SLK: variants seen among roughly 807,000 people sequenced by gnomAD.
SLK encodes STE20-like serine/threonine-protein kinase.
A neutral mutation model predicts 147.7 loss-of-function variants in SLK; 67 were observed. The ratio of observed to expected loss-of-function variants is 0.45; its 90% CI spans 0.37 to 0.56. The LOEUF (loss-of-function observed/expected upper bound fraction) is 0.56, where lower values mean the gene tolerates loss of function less well. SLK is among the 20% of genes least tolerant of loss of function. SLK has a pLI of 0.00. For missense variants in SLK, 1,136 were observed against 1,438.8 expected (o/e 0.79, Z 3.41); for synonymous variants, 441 against 475.0 (o/e 0.93, Z 0.93).
Position 104,024,040 on chromosome 10 carries a change from C to T in SLK, c.3562-1534C>T, listed in dbSNP as rs145312699. On this transcript the variant is annotated intron_variant, in intron 18 of 18. Coordinates refer to ENST00000369755, the MANE Select transcript of SLK (RefSeq NM_014720.4). The stretch of plus-strand genomic sequence containing the variant: ...TTCATCTCCATCTCACGTTTCCGCG[C>T]TCACTGCAGGCCACTCACCATCAGA... Among the ~76,000 whole-genome samples, 760 of 152,316 alleles carry T rather than the reference C, an allele frequency of 5.0e-3. 13 individuals are homozygous for T. The highest frequency in any genetic ancestry group is 0.042 in the South Asian group (201 of 4,824).
At chr10:103,989,460 G>GTTTTT (rs1202426790) in intron 1 of SLK, among the ~76,000 whole-genome samples, 8 of 96,804 alleles carry the variant, frequency 8.3e-5, no homozygotes, top group African/African-American at 3.3e-4. Context: ...CAGTGTGGCA[G>GTTTTT]TTTCTTTTTT....
intron 12 of SLK, among the ~76,000 whole-genome samples, chr10:104,009,030 T>C (rs1445901051): frequency 6.6e-6 from 1 of 152,192 alleles, no homozygotes; most frequent in Non-Finnish European, 1.5e-5. Context: ...TTTCATATTG[T>C]TATAGAATCT....
At position 104,019,857 on chromosome 10, in the gene SLK, T is replaced by C; in HGVS notation, c.3256T>C (p.Phe1086Leu). ...RSEAKTRMAMFKKSLRINSTA... is the reference protein window; with the variant it reads ...RSEAKTRMAMLKKSLRINSTA... ...TGAAGCCAAGACTCGAATGGCCATG[T>C]TTAAGAAGAGTTTGAGAATTAACTC... Residue 1086 changes from phenylalanine to leucine, a missense_variant, in exon 16 of 19, where the codon TTT becomes CTT. Phe to Leu is a conservative substitution (Grantham distance 22). This residue lies in a region of SLK where 327 missense variants were observed against 457.5 expected (regional missense o/e 0.71). Coordinates refer to ENST00000369755, the MANE Select transcript of SLK (RefSeq NM_014720.4). The C allele has an allele frequency of 6.2e-7, 1 of 1,614,114 alleles. No homozygotes were observed. The highest frequency in any genetic ancestry group is 8.5e-7 in the Non-Finnish European group (1 of 1,179,980).
rs202119653 is a variant in SLK, at chr10:104,020,338, G to A, written c.3322-150G>A. Reference sequence around the variant, plus strand: ...GAAGTTCCTGCTCTTCTCTGAAGCTGTGATGTGGACTCCAGGTTTGAGTCT... The same window carrying A: ...GAAGTTCCTGCTCTTCTCTGAAGCTATGATGTGGACTCCAGGTTTGAGTCT... On this transcript the variant is annotated intron_variant, in intron 16 of 18. Coordinates refer to ENST00000369755, the MANE Select transcript of SLK (RefSeq NM_014720.4). 82 of 690,458 alleles carry A rather than the reference G, an allele frequency of 1.2e-4. 1 individual carries two copies. The East Asian group carries it at 2.2e-3, about 19-fold the overall frequency. 42.8% of individuals were successfully genotyped at this position (690,458 alleles called of 1,614,324 possible).
intron 11 of SLK, among the ~76,000 whole-genome samples, chr10:104,006,968 A>G (rs1036625515): frequency 1.3e-5 from 2 of 152,182 alleles, no homozygotes; most frequent in African/African-American, 4.8e-5. Context: ...ATAAGTAACT[A>G]TACCTGTATT....
At chr10:104,001,318 G>C in intron 7 of SLK, 126 bp from the exon 8 acceptor site, 1 of 741,982 alleles carries the variant, frequency 1.3e-6, no homozygotes, top group Non-Finnish European at 2.2e-6. Context: ...ATTATCTGAA[G>C]TTTTCTGTCA....
intron 1 of SLK, among the ~76,000 whole-genome samples, chr10:103,971,784 G>A (rs976947598): frequency 6.6e-6 from 1 of 152,088 alleles, no homozygotes; most frequent in African/African-American, 2.4e-5. Context: ...TAAAAAGTAT[G>A]GAAACATATA....
At chr10:104,014,349 C>A (rs1844435534) in intron 13 of SLK, among the ~76,000 whole-genome samples, 1 of 152,094 alleles carries the variant, frequency 6.6e-6, no homozygotes, top group South Asian at 2.1e-4. Context: ...GTTGGAAATT[C>A]CAAGCTGTAT....
At chr10:103,991,029 G>C (rs1187085781) in intron 2 of SLK, among the ~76,000 whole-genome samples, 190 bp downstream of exon 2, 1 of 152,142 alleles carries the variant, frequency 6.6e-6, no homozygotes, top group African/African-American at 2.4e-5. Context: ...CAGATGTTCA[G>C]ATTTATGTTT....
chr10:103,988,039 C>T (rs1747672), intron 1 of SLK, among the ~76,000 whole-genome samples: 32,501 of 152,090 alleles, frequency 0.21, 3,844 homozygotes, highest in African/African-American at 0.32. Flanking sequence ...ATGGCAAAAC[C>T]TACATGCTTT....
chr10:104,018,884 T>G lies in SLK; in HGVS notation c.3108T>G (p.His1036Gln). The G allele has an allele frequency of 6.2e-7, 1 of 1,602,702 alleles. No homozygotes were observed. Among genetic ancestry groups the G allele is most frequent in the Non-Finnish European group, 8.5e-7 (1 of 1,176,584 alleles). Residue 1036 changes from histidine to glutamine, a missense_variant, in exon 15 of 19, where the codon CAT becomes CAG. Around this residue, in one of 6 missense-constraint regions of SLK, gnomAD observed 327 missense variants for 457.5 expected, o/e 0.71. Coordinates refer to ENST00000369755, the MANE Select transcript of SLK (RefSeq NM_014720.4). ...AAGATCAGTATTTCATGCAAAGACA[T>G]CAGCTACTTAAGCGCCACGAGAAGG... Reference protein sequence around the residue: ...QLKDQYFMQRHQLLKRHEKET... With the variant: ...QLKDQYFMQRQQLLKRHEKET...
chr10:104,003,462 G>T lies in SLK; in HGVS notation c.2284G>T (p.Asp762Tyr). 1 of 1,608,694 alleles carries T rather than the reference G, an allele frequency of 6.2e-7. No individual in the cohort carries two copies. The highest frequency in any genetic ancestry group is 8.5e-7 in the Non-Finnish European group (1 of 1,177,616). The part of the protein sequence containing the change: ...TGSTADTSSI[D>Y]LNLSISSFLS... ...TTCCACTGCTGATACTAGCAGTATT[G>T]ACTTGAATTTATCCATCTCTAGCTT... Residue 762 changes from aspartate (D) to tyrosine (Y), a missense_variant, in exon 9 of 19, where the codon GAC becomes TAC. Physicochemically the swap from Asp to Tyr is radical, Grantham distance 160. Coordinates refer to ENST00000369755, the MANE Select transcript of SLK (RefSeq NM_014720.4).
intron 4 of SLK, among the ~76,000 whole-genome samples, chr10:103,997,851 CA>C (rs906371655): frequency 2.6e-5 from 4 of 151,374 alleles, no homozygotes; most frequent in Non-Finnish European, 5.9e-5. Flanking sequence ...ATTTTGGGGG[CA>C]TTTTTTTTGT....
intron 1 of SLK, among the ~76,000 whole-genome samples, chr10:103,975,818 TA>T (rs1843862661): frequency 6.6e-6 from 1 of 152,206 alleles, no homozygotes; most frequent in Non-Finnish European, 1.5e-5. Flanking sequence ...CTCACGCCTG[TA>T]ATCCCAGCAC....
chr10:104,012,434 C>T (rs1424427489), intron 13 of SLK, among the ~76,000 whole-genome samples: 1 of 151,892 alleles, frequency 6.6e-6, no homozygotes, highest in Admixed American at 6.6e-5. Context: ...GTGGGTATTC[C>T]TAGTTTAAGG....
rs1211221926 is a variant in SLK, at chr10:104,005,647, A to T, written c.2436A>T (p.Ile812=). Residue 812 remains isoleucine (I), a synonymous_variant, in exon 10 of 19, where the codon ATA becomes ATT. Coordinates refer to ENST00000369755, the MANE Select transcript of SLK (RefSeq NM_014720.4). ...AAGTGAGTGTAACAACATCAAAGAT[A>T]GTTACAGATAGTGATTCCAAAACTG... is the stretch of plus-strand genomic sequence containing the variant. ...GVEVSVTTSK[I]VTDSDSKTEE... is the part of the protein sequence containing the mutation. 8.1e-6 allele frequency: 13 copies of T among 1,608,540 alleles called. No homozygotes were observed. Among genetic ancestry groups the T allele is most frequent in the Non-Finnish European group, 1.1e-5 (13 of 1,176,574 alleles).
At position 104,008,261 on chromosome 10, in the gene SLK, A is replaced by G; in HGVS notation, c.2689A>G (p.Thr897Ala). ...QTIERLEQEH[T>A]NRLRDEAKRI... ...TATCGAACGCCTGGAACAAGAGCAC[A>G]CAAATCGCTTGCGAGATGAAGCCAA... Residue 897 changes from threonine to alanine, a missense_variant, in exon 12 of 19, where the codon ACA becomes GCA. Physicochemically the swap from Thr to Ala is moderately conservative, Grantham distance 58 (BLOSUM62 0). Around this residue, in one of 6 missense-constraint regions of SLK, gnomAD observed 327 missense variants for 457.5 expected, o/e 0.71. Coordinates refer to ENST00000369755, the MANE Select transcript of SLK (RefSeq NM_014720.4). 1 of 1,614,070 alleles carries G rather than the reference A, an allele frequency of 6.2e-7. No homozygotes were observed. The highest frequency in any genetic ancestry group is 2.2e-5 in the East Asian group (1 of 44,872).
chr10:103,995,423 C>CTTTTTTTTTTTTTTTTTTTTTT (rs756975426), intron 4 of SLK, among the ~76,000 whole-genome samples: 23 of 67,696 alleles, frequency 3.4e-4, no homozygotes, highest in East Asian at 6.4e-4. Flanking sequence ...TCTTTCTTTT[C>CTTTTTTTTTTTTTTTTTTTTTT]TTTTTTTTTT....
chr10:103,967,676 A>G lies in SLK; in HGVS notation c.-70A>G. 5 of 1,470,072 alleles carry G rather than the reference A, an allele frequency of 3.4e-6. No individual in the cohort carries two copies. The highest frequency in any genetic ancestry group is 1.9e-5 in the Admixed American group (1 of 53,496). 91.1% of individuals were successfully genotyped at this position (1,470,072 alleles called of 1,614,324 possible). On this transcript the variant is annotated 5_prime_UTR_variant, in exon 1 of 19. Coordinates refer to ENST00000369755, the MANE Select transcript of SLK (RefSeq NM_014720.4). ...GCCAGCCGGGCTCGCGCGGGAGAGC[A>G]GGGAAGAGAAACTTTGCCTTTTATT...
Sources: gnomAD v4.1 joint callset for allele counts (sites outside exome capture counted in the v4.1 genomes callset) on GRCh38, gnomAD v4.1.1 for gene constraint, gnomAD v4.1.1 regional missense constraint, MANE v1.5 for transcripts, NCBI Gene and HGNC (gene_info 2026-07-23, HGNC 2026-07-21) for gene names.